The following AKR1D1 variants were observed in gnomAD, a reference collection of about 807,000 sequenced individuals.
AKR1D1 encodes aldo-keto reductase family 1 member D1.
In AKR1D1, 32 loss-of-function variants were observed where a neutral mutation model predicts 42.6. The observed-to-expected ratio is 0.75, with a 90% CI of 0.57 to 1.01. AKR1D1 has a LOEUF of 1.01. Among genes scored for constraint, AKR1D1 ranks in the 50% least tolerant of loss-of-function variants. AKR1D1 has a pLI of 0.00. For synonymous variants in AKR1D1, 123 were observed against 135.5 expected (o/e 0.91, Z 0.64); for missense variants, 364 against 402.2 (o/e 0.91, Z 0.81).
intron 1 of AKR1D1, among the ~76,000 whole-genome samples, chr7:138,076,927 T>A (rs572531840): frequency 6.6e-6 from 1 of 152,190 alleles, no homozygotes; most frequent in Non-Finnish European, 1.5e-5. Flanking sequence ...TTATGACTTG[T>A]GTTTTTTTTA....
chr7:138,105,263 T>C (rs1197173709), intron 4 of AKR1D1, 44 bp from the exon 5 acceptor site: 1 of 1,613,890 alleles, frequency 6.2e-7, no homozygotes, highest in South Asian at 1.1e-5. Context: ...CATTCTTGCT[T>C]CTTGTGAGGC....
At chr7:138,083,575 G>A (rs1251411935) in intron 1 of AKR1D1, among the ~76,000 whole-genome samples, 1 of 152,142 alleles carries the variant, frequency 6.6e-6, no homozygotes, top group Non-Finnish European at 1.5e-5. Context: ...TTTCTGTGCA[G>A]AGGCTTTTTA....
chr7:138,115,921 GA>G (rs1237078864), intron 8 of AKR1D1, among the ~76,000 whole-genome samples: 1 of 152,146 alleles, frequency 6.6e-6, no homozygotes, highest in Non-Finnish European at 1.5e-5. Flanking sequence ...GGTCTAGTGA[GA>G]GGGGCAAGTA....
intron 3 of AKR1D1, among the ~76,000 whole-genome samples, chr7:138,095,221 G>T (rs1382944287): frequency 6.6e-6 from 1 of 152,188 alleles, no homozygotes; most frequent in African/African-American, 2.4e-5. Flanking sequence ...GGAGGCATAA[G>T]GCCATTCAGA....
chr7:138,084,690 A>AT lies in AKR1D1; in HGVS notation c.94-3904dup, dbSNP rs1461118135. 3.3e-5 allele frequency among the ~76,000 whole-genome samples: 5 copies of AT among 151,830 alleles called. No individual in the cohort carries two copies. The East Asian group carries it at 7.7e-4, about 23-fold the overall frequency. On this transcript the variant is annotated intron_variant, in intron 1 of 8. Transcript: ENST00000242375. ...TGTGGTATCCTATTTGATCTTTCCG[A>AT]TTTTTTTCAAAACTGGTTTTCCTAA...
chr7:138,089,264 T>C (rs1330771505), intron 2 of AKR1D1, among the ~76,000 whole-genome samples: 2 of 151,694 alleles, frequency 1.3e-5, no homozygotes, highest in Admixed American at 6.6e-5. Flanking sequence ...GGCAGGAGGA[T>C]GGCTTGAGCC....
chr7:138,093,138 G>A (rs371552111), intron 3 of AKR1D1, among the ~76,000 whole-genome samples: 2 of 148,150 alleles, frequency 1.3e-5, no homozygotes. Flanking sequence ...GTGCCATCTC[G>A]GCTCACTGCA....
At chr7:138,086,451 C>T (rs1047991814) in intron 1 of AKR1D1, among the ~76,000 whole-genome samples, 3 of 152,076 alleles carry the variant, frequency 2.0e-5, no homozygotes, top group Admixed American at 6.6e-5. Context: ...AAATGTGTGT[C>T]TCCTTTTCCC....
chr7:138,084,444 C>T (rs1803126183), intron 1 of AKR1D1, among the ~76,000 whole-genome samples: 2 of 151,952 alleles, frequency 1.3e-5, no homozygotes, highest in South Asian at 4.2e-4. Context: ...TTCTCAAACT[C>T]CTGGGCTCAA....
chr7:138,102,143 G>A (rs143922856), intron 4 of AKR1D1, among the ~76,000 whole-genome samples: 147 of 151,836 alleles, frequency 9.7e-4, no homozygotes, highest in African/African-American at 3.3e-3. Context: ...CCTGAGAGGC[G>A]GAGGTTGCAG....
In AKR1D1 at chr7:138,105,291, G is replaced by T; in HGVS notation, c.457-16G>T. On this transcript the variant is annotated splice_polypyrimidine_tract_variant and intron_variant, in intron 4 of 8. Coordinates refer to ENST00000242375, the MANE Select transcript of AKR1D1 (RefSeq NM_005989.4). Reference sequence around the variant, plus strand: ...TGTGAGGCTTGTTTGTTGACCTGTGGACATTTACTCTACAGGCGATGGAAG... The same window carrying T: ...TGTGAGGCTTGTTTGTTGACCTGTGTACATTTACTCTACAGGCGATGGAAG... 6.2e-7 allele frequency: 1 copy of T among 1,614,008 alleles called. No individual in the cohort carries two copies. The highest frequency in any genetic ancestry group is 1.7e-5 in the Admixed American group (1 of 60,006).
chr7:138,096,942 A>T (rs1172347248), intron 3 of AKR1D1, among the ~76,000 whole-genome samples: 1 of 152,080 alleles, frequency 6.6e-6, no homozygotes, highest in African/African-American at 2.4e-5. Flanking sequence ...TGAGCTCTTG[A>T]CTTCTCTGTT....
chr7:138,081,687 C>T (rs1448064486), intron 1 of AKR1D1, among the ~76,000 whole-genome samples: 2 of 151,948 alleles, frequency 1.3e-5, no homozygotes, highest in East Asian at 3.9e-4. Flanking sequence ...CACCACAACA[C>T]CCAGCTAATT....
intron 1 of AKR1D1, among the ~76,000 whole-genome samples, chr7:138,082,281 C>T (rs1803074716): frequency 6.6e-6 from 1 of 152,074 alleles, no homozygotes; most frequent in Non-Finnish European, 1.5e-5. Context: ...TGGTTCTTTC[C>T]TAAATCTTCT....
chr7:138,116,551 A>G lies in AKR1D1; in HGVS notation c.939-69A>G, dbSNP rs1019252099. The G allele has an allele frequency of 5.2e-6, 8 of 1,526,634 alleles. No homozygotes were observed. In the African/African-American group the frequency reaches 9.6e-5, roughly 18 times the overall value. 94.6% of individuals were successfully genotyped at this position (1,526,634 alleles called of 1,614,324 possible). A position where few individuals can be genotyped will look rare whatever the true frequency, so the allele number is the denominator to read the frequency against. ...TAGTGGTCAGTGAAATTCTCAAAGG[A>G]TGCTATTGAAACATACAGCTGTGCA... On this transcript the variant is annotated intron_variant, in intron 8 of 8. Transcript: ENST00000242375.
At chr7:138,095,562 G>C (rs953995804) in intron 3 of AKR1D1, among the ~76,000 whole-genome samples, 6 of 152,132 alleles carry the variant, frequency 3.9e-5, no homozygotes, top group African/African-American at 1.4e-4. Context: ...TCTTGCTCTT[G>C]TTGCCCAGAC....
intron 4 of AKR1D1, among the ~76,000 whole-genome samples, chr7:138,104,470 G>A (rs1424845552): frequency 2.0e-5 from 3 of 152,112 alleles, no homozygotes; most frequent in Non-Finnish European, 4.4e-5. Context: ...CACTGAGGCA[G>A]GTGGATCACC....
In AKR1D1 at chr7:138,105,324, A is replaced by AG. The variant is rs1323574148; in HGVS notation, c.475dup (p.Asp159GlyfsTer14). 1 of 1,614,046 alleles carries AG rather than the reference A, an allele frequency of 6.2e-7. No individual in the cohort carries two copies. The highest frequency in any genetic ancestry group is 2.2e-5 in the East Asian group (1 of 44,884). The stretch of plus-strand genomic sequence containing the variant: ...CTCTACAGGCGATGGAAGCTTGCAA[A>AG]GACGCTGGCTTGGTGAAATCCCTGG... On this transcript the variant is annotated frameshift_variant, in exon 5 of 9. Coordinates refer to ENST00000242375, the MANE Select transcript of AKR1D1 (RefSeq NM_005989.4). LOFTEE classifies it high-confidence loss of function.
intron 4 of AKR1D1, among the ~76,000 whole-genome samples, chr7:138,099,744 G>C (rs1794252689): frequency 6.6e-6 from 1 of 151,666 alleles, no homozygotes; most frequent in African/African-American, 2.4e-5. Context: ...GCTCATGCCT[G>C]TAATCCCAAT....
Sources: gnomAD v4.1 joint callset for allele counts (sites outside exome capture counted in the v4.1 genomes callset) on GRCh38, gnomAD v4.1.1 for gene constraint, MANE v1.5 for transcripts, NCBI Gene and HGNC (gene_info 2026-07-23, HGNC 2026-07-21) for gene names.